WDR33: variants seen among roughly 807,000 people sequenced by gnomAD.
WDR33 encodes the protein pre-mRNA 3' end processing protein WDR33.
In WDR33, 47 loss-of-function variants were observed where a neutral mutation model predicts 164.9. The observed-to-expected ratio is 0.29, with a 90% CI of 0.23 to 0.36. WDR33 has a LOEUF of 0.36. Among genes scored for constraint, WDR33 ranks in the 10% least tolerant of loss-of-function variants. WDR33 has a pLI of 1.00. For missense variants in WDR33, 1,137 were observed against 1,754.1 expected (o/e 0.65, Z 6.28); for synonymous variants, 505 against 589.0 (o/e 0.86, Z 2.06).
rs372540721 is a variant in WDR33, at chr2:127,714,687, A to G, written c.2870-666T>C. ...TGAAGACAGTGTTTGGAATCCCACT[A>G]AAGTTTTCTAAAATATGTGAAAATA... On this transcript the variant is annotated intron_variant, in intron 17 of 21. Coordinates refer to ENST00000322313, the MANE Select transcript of WDR33 (RefSeq NM_018383.5). This position sits in a 1 kb window ranked among gnomAD's most constrained non-coding sequence, Gnocchi z 4.3. Among the ~76,000 whole-genome samples the G allele has an allele frequency of 3.2e-4, 48 of 152,344 alleles. No individual in the cohort carries two copies. The South Asian group carries it at 9.5e-3, about 30-fold the overall frequency.
In WDR33 at chr2:127,722,442, G is replaced by A. The variant is rs1005902768; in HGVS notation, c.1518+149C>T. The A allele has an allele frequency of 9.2e-7, 1 of 1,090,726 alleles. No individual in the cohort carries two copies. The highest frequency in any genetic ancestry group is 1.6e-5 in the African/African-American group (1 of 63,014). 67.6% of individuals were successfully genotyped at this position (1,090,726 alleles called of 1,614,324 possible). A position where few individuals can be genotyped will look rare whatever the true frequency, so the allele number is the denominator to read the frequency against. The stretch of plus-strand genomic sequence containing the variant: ...ACAAACTCAATACAACTGCAAAGCA[G>A]TAGATGAGAACCATGTCTAAGAGTA... On this transcript the variant is annotated intron_variant, in intron 14 of 21. Coordinates refer to ENST00000322313, the MANE Select transcript of WDR33 (RefSeq NM_018383.5). The surrounding 1 kb of genome is among the most constrained non-coding windows in gnomAD (Gnocchi z 5.1).
intron 8 of WDR33, among the ~76,000 whole-genome samples, chr2:127,725,642 G>A (rs1686551811): frequency 6.6e-6 from 1 of 151,982 alleles, no homozygotes; most frequent in Admixed American, 6.6e-5. Flanking sequence ...GCTGAGGCAG[G>A]AGAATCACTT....
rs1558924395 is a variant in WDR33 at position 127,722,644 on chromosome 2, C to T, written c.1465G>A (p.Val489Ile). The stretch of plus-strand genomic sequence containing the variant: ...GCATAAGGAACTTTCTTCTGAGGTA[C>T]TTTTTTCTGATCCTTTTGCATCACT... ...EEVMQKDQKK[V>I]PQKKVPYAKP... The change falls in exon 14 of 22, where the codon GTA (valine) becomes ATA (isoleucine). Residue 489 changes from valine (V) to isoleucine (I), a missense_variant. Val to Ile is a conservative substitution (Grantham distance 29). This residue lies in a region of WDR33 where 75 missense variants were observed against 124.7 expected (regional missense o/e 0.60). Coordinates refer to ENST00000322313, the MANE Select transcript of WDR33 (RefSeq NM_018383.5). This position sits in a 1 kb window ranked among gnomAD's most constrained non-coding sequence, Gnocchi z 5.1. 1 of 1,614,080 alleles carries T rather than the reference C, an allele frequency of 6.2e-7. No individual in the cohort carries two copies.
At chr2:127,795,970 C>A (rs1421388277) in intron 1 of WDR33, among the ~76,000 whole-genome samples, 1 of 151,500 alleles carries the variant, frequency 6.6e-6, no homozygotes, top group African/African-American at 2.4e-5. Flanking sequence ...AAAAAAGTTG[C>A]CTAAGATATT....
intron 1 of WDR33, among the ~76,000 whole-genome samples, chr2:127,779,169 T>TAA (rs70985476): frequency 0.31 from 44,810 of 146,190 alleles, 7,332 homozygotes; most frequent in African/African-American, 0.42. Flanking sequence ...TTTTAATAAT[T>TAA]AAAAAAAAAA....
intron 4 of WDR33, among the ~76,000 whole-genome samples, chr2:127,765,935 C>T (rs1687807442): frequency 6.6e-6 from 1 of 152,034 alleles, no homozygotes; most frequent in Admixed American, 6.6e-5. Flanking sequence ...CTAATGGATA[C>T]ACATAGATGT....
chr2:127,735,461 T>C lies in WDR33; in HGVS notation c.725-8684A>G, dbSNP rs909392262. On this transcript the variant is annotated intron_variant, in intron 7 of 21. Transcript: ENST00000322313. The surrounding 1 kb of genome is among the most constrained non-coding windows in gnomAD (Gnocchi z 4.3). The stretch of plus-strand genomic sequence containing the variant: ...ATTTTATTTTTCCTGGATCAGACCA[T>C]TTTATGAACAAATCTTAAAAAAAAT... The C allele has an allele frequency of 1.0e-6, 1 of 984,894 alleles. No individual in the cohort carries two copies. Among genetic ancestry groups the C allele is most frequent in the Non-Finnish European group, 1.2e-6 (1 of 829,150 alleles). The allele number at this position is 984,894 out of a possible 1,614,324, so 61.0% of individuals were successfully genotyped here.
rs768008382 is a variant in WDR33 at position 127,708,915 on chromosome 2, T to C, written c.3566-23A>G. 2.0e-6 allele frequency: 3 copies of C among 1,532,852 alleles called. No individual in the cohort carries two copies. The highest frequency in any genetic ancestry group is 2.6e-6 in the Non-Finnish European group (3 of 1,134,810). The allele number at this position is 1,532,852 out of a possible 1,614,324, so 95.0% of individuals were successfully genotyped here. ...GCCCTGAAACAAGAAACAAATCTCC[T>C]TACAGGAAAGCACAGTGTGACCAGA... On this transcript the variant is annotated intron_variant, in intron 20 of 21. Coordinates refer to ENST00000322313, the MANE Select transcript of WDR33 (RefSeq NM_018383.5). This position sits in a 1 kb window ranked among gnomAD's most constrained non-coding sequence, Gnocchi z 6.7.
At chr2:127,753,579 C>T (rs1462735032) in intron 7 of WDR33, among the ~76,000 whole-genome samples, 1 of 152,174 alleles carries the variant, frequency 6.6e-6, no homozygotes, top group African/African-American at 2.4e-5. Context: ...AGAGCTGAAA[C>T]TGTGACTAAC....
intron 7 of WDR33, among the ~76,000 whole-genome samples, chr2:127,750,693 T>TGTATGC (rs1687316338): frequency 3.9e-5 from 2 of 51,692 alleles, no homozygotes; most frequent in Admixed American, 1.9e-4. Context: ...TATATATATA[T>TGTATGC]ATATATATAT....
Position 127,770,711 on chromosome 2 carries a change from A to G in WDR33, c.204+67T>C, listed in dbSNP as rs915916608. ...CATCTCAAAATAAATAAATAAATAAATAAATAAATAAATAAATAAATAAAT... is the reference window on the plus strand; with the variant it reads ...CATCTCAAAATAAATAAATAAATAAGTAAATAAATAAATAAATAAATAAAT... On this transcript the variant is annotated intron_variant, in intron 2 of 21. Coordinates refer to ENST00000322313, the MANE Select transcript of WDR33 (RefSeq NM_018383.5). This position sits in a 1 kb window ranked among gnomAD's most constrained non-coding sequence, Gnocchi z 4.9. 6.6e-5 allele frequency: 53 copies of G among 808,834 alleles called. No individual in the cohort carries two copies. Among genetic ancestry groups the G allele is most frequent in the Non-Finnish European group, 7.8e-5 (46 of 586,742 alleles). 50.1% of individuals were successfully genotyped at this position (808,834 alleles called of 1,614,324 possible).
chr2:127,780,258 T>A (rs1688326160), intron 1 of WDR33, among the ~76,000 whole-genome samples: 1 of 152,176 alleles, frequency 6.6e-6, no homozygotes, highest in African/African-American at 2.4e-5. Flanking sequence ...TAAAAAGTTT[T>A]AAGATTCCCA....
rs1689065094 is a variant in WDR33, at chr2:127,797,029, TTC to T, written c.-24+13981_-24+13982del. ...AATACTCACAGTGCACCACCAGTCA[TTC>T]CACCACACAAAGCACATGAATGTCC... On this transcript the variant is annotated intron_variant, in intron 1 of 21. Coordinates refer to ENST00000322313, the MANE Select transcript of WDR33 (RefSeq NM_018383.5). Among the ~76,000 whole-genome samples the T allele has an allele frequency of 2.0e-5, 3 of 152,122 alleles. No homozygotes were observed. The South Asian group carries it at 6.2e-4, about 32-fold the overall frequency.
intron 7 of WDR33, among the ~76,000 whole-genome samples, chr2:127,733,368 C>T (rs1441840032): frequency 1.3e-5 from 2 of 152,156 alleles, no homozygotes; most frequent in Non-Finnish European, 2.9e-5. Flanking sequence ...TTAAAGAAGC[C>T]AGTGATATGG....
intron 3 of WDR33, among the ~76,000 whole-genome samples, chr2:127,768,570 G>A (rs966326613): frequency 2.6e-5 from 4 of 152,098 alleles, no homozygotes; most frequent in East Asian, 1.9e-4. Flanking sequence ...AACCCAGTTA[G>A]TACTTAAAGT....
chr2:127,793,717 G>A (rs1223287232), intron 1 of WDR33, among the ~76,000 whole-genome samples: 1 of 152,106 alleles, frequency 6.6e-6, no homozygotes, highest in African/African-American at 2.4e-5. Context: ...CTCCAGCCTG[G>A]GTGACAGAGC....
chr2:127,711,755 T>TATATATATAGATATAG (rs1558919276), intron 18 of WDR33, among the ~76,000 whole-genome samples: 8 of 74,204 alleles, frequency 1.1e-4, no homozygotes, highest in African/African-American at 1.0e-3. Flanking sequence ...TATACAGATA[T>TATATATATAGATATAG]ATATATATAT....
At chr2:127,805,429 C>T (rs994036921) in intron 1 of WDR33, among the ~76,000 whole-genome samples, 2 of 151,938 alleles carry the variant, frequency 1.3e-5, no homozygotes, top group African/African-American at 4.8e-5. Flanking sequence ...TTTAGTCAAA[C>T]CTCTCTAGAT....
rs564863896 is a variant in WDR33, at chr2:127,765,273, AG to A, written c.379-5del. ...AGCGTCTTCCTTCTGGAGTCCACTA[AG>A]GGAGAAAAAAAGACAGGTTATACAT... is the stretch of plus-strand genomic sequence containing the variant. On this transcript the variant is annotated splice_region_variant and splice_polypyrimidine_tract_variant and intron_variant, in intron 4 of 21. Coordinates refer to ENST00000322313, the MANE Select transcript of WDR33 (RefSeq NM_018383.5). The A allele has an allele frequency of 1.6e-3, 2,644 of 1,612,420 alleles. 22 individuals carry two copies. Among genetic ancestry groups the A allele is most frequent in the Non-Finnish European group, 1.1e-3 (1,270 of 1,179,148 alleles).
Sources: gnomAD v4.1 joint callset for allele counts (sites outside exome capture counted in the v4.1 genomes callset) on GRCh38, gnomAD v4.1.1 for gene constraint, gnomAD v4.1.1 regional missense constraint, Gnocchi (gnomAD v3.1) non-coding constraint, MANE v1.5 for transcripts, NCBI Gene and HGNC (gene_info 2026-07-23, HGNC 2026-07-21) for gene names.